DIPK1A: variants seen among roughly 807,000 people sequenced by gnomAD.
DIPK1A encodes the protein family with sequence similarity 69 member A.
A neutral mutation model predicts 40.8 loss-of-function variants in DIPK1A; 27 were observed. The ratio of observed to expected loss-of-function variants is 0.66; its 90% confidence interval spans 0.49 to 0.91. DIPK1A has a LOEUF of 0.91. Among genes scored for constraint, DIPK1A ranks in the 40% least tolerant of loss-of-function variants. The probability of loss-of-function intolerance (pLI) is 0.00; values close to 1 mark genes in which losing one functional copy is unlikely to be tolerated. For missense variants in DIPK1A, 412 were observed against 505.7 expected (o/e 0.81, Z 1.78); for synonymous variants, 166 against 171.3 (o/e 0.97, Z 0.24).
intron 2 of DIPK1A, among the ~76,000 whole-genome samples, chr1:92,855,897 TG>T (rs1490774667): frequency 6.6e-6 from 1 of 151,920 alleles, no homozygotes; most frequent in Admixed American, 6.6e-5. Context: ...CTGGACAACA[TG>T]GCAAAACTTT....
downstream of DIPK1A, chr1:92,842,107 G>T: frequency 1.2e-6 from 1 of 822,804 alleles, no homozygotes; most frequent in Non-Finnish European, 1.6e-6. Flanking sequence ...CCCTTATGTT[G>T]TATGATGAAC....
intron 1 of DIPK1A, among the ~76,000 whole-genome samples, chr1:92,907,740 C>A (rs775830865): frequency 5.3e-5 from 8 of 152,116 alleles, no homozygotes; most frequent in Admixed American, 1.3e-4. Flanking sequence ...CCATGCGCAG[C>A]CTGTTCTGTA....
chr1:92,898,888 G>A lies in DIPK1A; in HGVS notation c.55-22458C>T, dbSNP rs537941151. Among the ~76,000 whole-genome samples the A allele has an allele frequency of 9.9e-5, 15 of 152,068 alleles. No homozygotes were observed. In the East Asian group the frequency reaches 1.6e-3, roughly 16 times the overall value. Reference sequence around the variant, plus strand: ...AGCAACCCTCCCACTTCACCTTCCCGAGTAGCTGCGACCACAGACATGTGC... The same window carrying A: ...AGCAACCCTCCCACTTCACCTTCCCAAGTAGCTGCGACCACAGACATGTGC... On this transcript the variant is annotated intron_variant, in intron 1 of 4. Coordinates refer to ENST00000370310, the MANE Select transcript of DIPK1A (RefSeq NM_001006605.5).
In DIPK1A at chr1:92,832,943, T is replaced by A. The variant is rs61634219; in HGVS notation, c.*77A>T. 6.3e-3 allele frequency: 4,481 copies of A among 706,086 alleles called. 149 individuals carry two copies. In the African/African-American group the frequency reaches 0.069, roughly 11 times the overall value. The allele number at this position is 706,086 out of a possible 1,614,324, so 43.7% of individuals were successfully genotyped here. A position where few individuals can be genotyped will look rare whatever the true frequency, so the allele number is the denominator to read the frequency against. ...GAGGCTAGGTTTTCGAAGTGGGACA[T>A]AGCGTGTTCCGAACAAACCGACGTT... On this transcript the variant is annotated 3_prime_UTR_variant, in exon 5 of 5. Transcript: ENST00000615519.
intron 3 of DIPK1A, among the ~76,000 whole-genome samples, chr1:92,848,967 A>C (rs567781655): frequency 6.6e-6 from 1 of 152,160 alleles, no homozygotes; most frequent in Non-Finnish European, 1.5e-5. Flanking sequence ...TTCTACCCCA[A>C]TTAGATATTC....
chr1:92,912,896 T>C (rs1272468351), intron 1 of DIPK1A, among the ~76,000 whole-genome samples: 2 of 151,808 alleles, frequency 1.3e-5, no homozygotes, highest in African/African-American at 2.4e-5. Flanking sequence ...AGTCCAGGAG[T>C]TTGAGACCAG....
chr1:92,937,483 T>C (rs1650989368), intron 1 of DIPK1A, among the ~76,000 whole-genome samples: 1 of 152,310 alleles, frequency 6.6e-6, no homozygotes, highest in Middle Eastern at 3.4e-3. Flanking sequence ...ATGCTTTATT[T>C]TTTACAGACT....
intron 4 of DIPK1A, chr1:92,836,374 G>A: frequency 6.2e-7 from 1 of 1,614,038 alleles, no homozygotes; most frequent in Non-Finnish European, 8.5e-7. Flanking sequence ...GTGGATGGAG[G>A]CTTGTCTATC....
At chr1:92,960,926 T>TC in intron 1 of DIPK1A, among the ~76,000 whole-genome samples, 1 of 152,236 alleles carries the variant, frequency 6.6e-6, no homozygotes, top group East Asian at 1.9e-4. Flanking sequence ...ACCACCGACT[T>TC]AAGACCCAAG....
At chr1:92,841,972 G>GAAAT (rs1342404889), downstream of DIPK1A, 31 of 978,306 alleles carry the variant, frequency 3.2e-5, no homozygotes, top group Non-Finnish European at 1.5e-6. Context: ...GAAATACCCT[G>GAAAT]AAATATTTTG....
chr1:92,832,746 G>A (rs551672466), exon 5 of DIPK1A: 2 of 463,034 alleles, frequency 4.3e-6, no homozygotes, highest in African/African-American at 2.0e-5. Flanking sequence ...TAATTATTGG[G>A]GTAGGGCCCC....
At chr1:92,893,585 C>T (rs930563263) in intron 1 of DIPK1A, among the ~76,000 whole-genome samples, 1 of 152,050 alleles carries the variant, frequency 6.6e-6, no homozygotes, top group African/African-American at 2.4e-5. Context: ...TAGGAAGAAA[C>T]TGCATCAACT....
intron 4 of DIPK1A, among the ~76,000 whole-genome samples, chr1:92,846,797 A>T (rs866369620): frequency 0.043 from 57 of 1,334 alleles, no homozygotes; most frequent in African/African-American, 0.27. Context: ...CCTGGCATAT[A>T]TATATATATA....
chr1:92,904,939 A>G (rs1207028092), intron 1 of DIPK1A, among the ~76,000 whole-genome samples: 3 of 152,336 alleles, frequency 2.0e-5, no homozygotes, highest in Admixed American at 2.0e-4. Context: ...TTCACTTAAC[A>G]TAATGACCTC....
chr1:92,858,794 T>C lies in DIPK1A; in HGVS notation c.190-7839A>G, dbSNP rs191447386. 7.2e-5 allele frequency among the ~76,000 whole-genome samples: 11 copies of C among 152,306 alleles called. No individual in the cohort carries two copies. In the East Asian group the frequency reaches 1.9e-3, roughly 27 times the overall value. ...TTCCCACATGCTTGTATAGAAAGGATGGTTGGCCACGTACTGTTTTGTTTT... is the reference window on the plus strand; with the variant it reads ...TTCCCACATGCTTGTATAGAAAGGACGGTTGGCCACGTACTGTTTTGTTTT... On this transcript the variant is annotated intron_variant, in intron 2 of 4. Coordinates refer to ENST00000370310, the MANE Select transcript of DIPK1A (RefSeq NM_001006605.5).
chr1:92,951,741 A>G (rs1222086037), intron 1 of DIPK1A, among the ~76,000 whole-genome samples: 1 of 152,170 alleles, frequency 6.6e-6, no homozygotes, highest in Non-Finnish European at 1.5e-5. Context: ...CTCAATTACT[A>G]TAAAATCCAG....
At chr1:92,846,059 G>T in intron 4 of DIPK1A, 1 of 156,844 alleles carries the variant, frequency 6.4e-6, no homozygotes, top group Non-Finnish European at 1.4e-5. Flanking sequence ...AAAATCCCCA[G>T]GCCTCCTGGT....
At chr1:92,948,775 G>GTA (rs1450429045) in intron 1 of DIPK1A, among the ~76,000 whole-genome samples, 212 of 138,088 alleles carry the variant, frequency 1.5e-3, no homozygotes, top group Middle Eastern at 3.7e-3. Flanking sequence ...ATGTGTGTGT[G>GTA]TGTATATATA....
rs1433807627 is a variant in DIPK1A, at chr1:92,843,818, A to G, written c.852T>C (p.His284=). The G allele has an allele frequency of 9.7e-6, 15 of 1,551,816 alleles. No individual in the cohort carries two copies. The highest frequency in any genetic ancestry group is 1.7e-4 in the Middle Eastern group (1 of 6,016). Residue 284 remains histidine (H), a synonymous_variant, in exon 5 of 5, where the codon CAT becomes CAC. Transcript: ENST00000370310. ...GLLEFVEDVF[H]GPYGNFLMCD... is the part of the protein sequence containing the mutation. ...ACATGAGGAAATTTCCGTAGGGGCC[A>G]TGGAAAACATCTTCCACAAATTCTA...
Sources: allele counts gnomAD v4.1 joint callset (sites outside exome capture counted in the v4.1 genomes callset), GRCh38; gene constraint gnomAD v4.1.1; transcripts MANE v1.5; gene names NCBI Gene and HGNC (gene_info 2026-07-23, HGNC 2026-07-21).